NALCN: variants seen among roughly 807,000 people sequenced by gnomAD.
NALCN encodes the protein sodium leak channel, non-selective.
Under a neutral mutation model 225.3 loss-of-function variants are expected in NALCN, and 111 were observed. That is an observed-to-expected ratio of 0.49 (90% CI 0.42 to 0.58). The LOEUF is 0.58. Among genes scored for constraint, NALCN ranks in the 20% least tolerant of loss-of-function variants. NALCN has a pLI of 0.00. For synonymous variants in NALCN, 764 were observed against 769.0 expected (o/e 0.99, Z 0.11); for missense variants, 1,378 against 2,202.4 (o/e 0.63, Z 7.49).
At chr13:101,368,373 T>C (rs2046441004) in intron 6 of NALCN, among the ~76,000 whole-genome samples, 1 of 152,014 alleles carries the variant, frequency 6.6e-6, no homozygotes, top group African/African-American at 2.4e-5. Flanking sequence ...ATGGTGTATA[T>C]GTGCCACATT....
chr13:101,086,825 C>T (rs1188347824), intron 30 of NALCN, among the ~76,000 whole-genome samples: 1 of 152,000 alleles, frequency 6.6e-6, no homozygotes, highest in Non-Finnish European at 1.5e-5. Context: ...TTTTGTCATT[C>T]TTTAGTACAT....
chr13:101,147,248 T>G (rs1193480434), intron 15 of NALCN, among the ~76,000 whole-genome samples: 2 of 152,196 alleles, frequency 1.3e-5, no homozygotes, highest in African/African-American at 4.8e-5. Flanking sequence ...TCCATCTGCT[T>G]CAGCTCTTTC....
At chr13:101,123,397 A>G (rs1040857735) in intron 18 of NALCN, among the ~76,000 whole-genome samples, 4 of 152,214 alleles carry the variant, frequency 2.6e-5, no homozygotes, top group African/African-American at 9.6e-5. Context: ...TGTCTGATGT[A>G]GGTGCAGCTG....
At chr13:101,386,414 T>A in intron 3 of NALCN, among the ~76,000 whole-genome samples, 1 of 152,126 alleles carries the variant, frequency 6.6e-6, no homozygotes, top group African/African-American at 2.4e-5. Context: ...CTGCTTGGTT[T>A]TGTCTGTTTC....
At chr13:101,106,041 G>A (rs529039751) in intron 22 of NALCN, among the ~76,000 whole-genome samples, 2 of 152,314 alleles carry the variant, frequency 1.3e-5, no homozygotes, top group African/African-American at 4.8e-5. Flanking sequence ...TTGGAGGCTG[G>A]AAATCCAAGA....
chr13:101,306,253 G>A (rs763784438), intron 7 of NALCN, among the ~76,000 whole-genome samples: 10 of 152,162 alleles, frequency 6.6e-5, no homozygotes, highest in Non-Finnish European at 1.5e-4. Flanking sequence ...CCCTTGAGAG[G>A]TGCTGCATTC....
At position 101,105,385 on chromosome 13, in the gene NALCN, G is replaced by T. The variant is rs1384113686; in HGVS notation, c.2580-435C>A. ...TTCCCCCTGCATTTAACTGTGATGTGGTAGAATGATTTATTTAGAATTTCT... is the reference window on the plus strand; with the variant it reads ...TTCCCCCTGCATTTAACTGTGATGTTGTAGAATGATTTATTTAGAATTTCT... On this transcript the variant is annotated intron_variant, in intron 22 of 43. Coordinates refer to ENST00000251127, the MANE Select transcript of NALCN (RefSeq NM_052867.4). Among the ~76,000 whole-genome samples the T allele has an allele frequency of 2.0e-5, 3 of 152,240 alleles. No homozygotes were observed. The East Asian group carries it at 5.8e-4, about 29-fold the overall frequency.
At chr13:101,074,338 C>G (rs1956332186) in intron 36 of NALCN, among the ~76,000 whole-genome samples, 176 bp downstream of exon 36, 1 of 152,072 alleles carries the variant, frequency 6.6e-6, no homozygotes, top group African/African-American at 2.4e-5. Context: ...AGTTGAATAA[C>G]CTTTTTCAAC....
chr13:101,297,027 G>T (rs2043781729), intron 7 of NALCN, among the ~76,000 whole-genome samples: 1 of 152,030 alleles, frequency 6.6e-6, no homozygotes, highest in South Asian at 2.1e-4. Flanking sequence ...TTACCTTTAG[G>T]ATTTTATTTA....
intron 15 of NALCN, among the ~76,000 whole-genome samples, chr13:101,159,120 T>C (rs908973715): frequency 6.6e-6 from 1 of 152,216 alleles, no homozygotes; most frequent in African/African-American, 2.4e-5. Context: ...AATAGGAAAG[T>C]GGGAAAGTTT....
chr13:101,115,305 T>C (rs1367848651), intron 18 of NALCN, among the ~76,000 whole-genome samples: 2 of 152,148 alleles, frequency 1.3e-5, no homozygotes, highest in South Asian at 2.1e-4. Flanking sequence ...TTCATACATC[T>C]TTCTCTATGT....
At position 101,076,209 on chromosome 13, in the gene NALCN, G is replaced by A. The variant is rs529528817; in HGVS notation, c.3886-268C>T. 2.6e-5 allele frequency among the ~76,000 whole-genome samples: 4 copies of A among 152,304 alleles called. No individual in the cohort carries two copies. The East Asian group carries it at 7.7e-4, about 29-fold the overall frequency. ...TTTGAAATTTATTTTACATAAAATG[G>A]TGACCAGCTCTTTTGCATACAGGGT... On this transcript the variant is annotated intron_variant, in intron 34 of 43. Coordinates refer to ENST00000251127, the MANE Select transcript of NALCN (RefSeq NM_052867.4).
intron 6 of NALCN, 79 bp from the exon 7 acceptor site, chr13:101,345,499 C>A: frequency 3.3e-6 from 5 of 1,502,196 alleles, no homozygotes; most frequent in Middle Eastern, 4.1e-4. Flanking sequence ...AATTACCCTT[C>A]ATTAATATCT....
intron 6 of NALCN, among the ~76,000 whole-genome samples, chr13:101,371,954 G>A (rs2046551527): frequency 6.6e-6 from 1 of 151,752 alleles, no homozygotes; most frequent in Admixed American, 6.6e-5. Flanking sequence ...AGTAATTGTG[G>A]GAACAAATCA....
intron 15 of NALCN, among the ~76,000 whole-genome samples, chr13:101,147,919 C>G (rs2037438660): frequency 6.6e-6 from 1 of 152,128 alleles, no homozygotes; most frequent in Admixed American, 6.6e-5. Context: ...CTCTTTTTCT[C>G]TTGAACTCCA....
At chr13:101,345,676 T>TTTTA (rs2045696271) in intron 6 of NALCN, among the ~76,000 whole-genome samples, 1 of 127,870 alleles carries the variant, frequency 7.8e-6, no homozygotes, top group African/African-American at 3.2e-5. Flanking sequence ...CCTTTGCTCT[T>TTTTA]TCTATCTATC....
At chr13:101,095,498 G>T in intron 28 of NALCN, 76 bp downstream of exon 28, 2 of 1,153,142 alleles carry the variant, frequency 1.7e-6, no homozygotes, top group Non-Finnish European at 2.5e-6. Context: ...TTAGTTACAT[G>T]CCATATGATA....
intron 22 of NALCN, among the ~76,000 whole-genome samples, chr13:101,106,114 G>C (rs2035082606): frequency 6.6e-6 from 1 of 152,146 alleles, no homozygotes; most frequent in Admixed American, 6.5e-5. Flanking sequence ...TTCCAGGGCT[G>C]TCTCCTTGAC....
intron 11 of NALCN, among the ~76,000 whole-genome samples, chr13:101,239,532 G>A (rs2041682566): frequency 6.6e-6 from 1 of 151,930 alleles, no homozygotes; most frequent in Non-Finnish European, 1.5e-5. Flanking sequence ...CCAGATTAAG[G>A]GATATAGGTC....
Sources: gnomAD v4.1 joint callset for allele counts (sites outside exome capture counted in the v4.1 genomes callset) on GRCh38, gnomAD v4.1.1 for gene constraint, MANE v1.5 for transcripts, NCBI Gene and HGNC (gene_info 2026-07-23, HGNC 2026-07-21) for gene names.